The following DKK2 variants were observed in gnomAD, a reference collection of about 807,000 sequenced individuals.
DKK2 encodes dickkopf-related protein 2.
Under a neutral mutation model 28.1 loss-of-function variants are expected in DKK2, and 11 were observed. The ratio of observed to expected loss-of-function variants is 0.39; its 90% CI spans 0.25 to 0.65. The LOEUF (loss-of-function observed/expected upper bound fraction) is 0.65. DKK2 is among the 30% of genes least tolerant of loss of function. DKK2 has a pLI of 0.47. For synonymous variants in DKK2, 135 were observed against 126.5 expected (o/e 1.07, Z -0.45); for missense variants, 326 against 335.5 (o/e 0.97, Z 0.22).
At chr4:106,995,920 T>G (rs185952264) in intron 1 of DKK2, among the ~76,000 whole-genome samples, 1 of 152,308 alleles carries the variant, frequency 6.6e-6, no homozygotes, top group Non-Finnish European at 1.5e-5. Context: ...CAGGACTCTA[T>G]GTATCTTTAA....
At chr4:106,960,542 A>G (rs553847857) in intron 1 of DKK2, among the ~76,000 whole-genome samples, 1 of 152,272 alleles carries the variant, frequency 6.6e-6, no homozygotes, top group East Asian at 1.9e-4. Context: ...CCATATAACC[A>G]AAAACCACTG....
intron 1 of DKK2, among the ~76,000 whole-genome samples, chr4:106,950,284 T>G (rs1724839752): frequency 2.6e-5 from 4 of 152,136 alleles, no homozygotes; most frequent in Admixed American, 2.6e-4. Context: ...CCCTTCTCAC[T>G]CCCAACTTTA....
intron 1 of DKK2, among the ~76,000 whole-genome samples, chr4:106,967,631 T>A (rs4109346): frequency 0.15 from 22,930 of 152,046 alleles, 1,983 homozygotes; most frequent in African/African-American, 0.24. Context: ...ATCTGTCTTC[T>A]CTGCCAGGGC....
intron 1 of DKK2, among the ~76,000 whole-genome samples, chr4:106,978,773 G>A (rs1036803498): frequency 3.3e-5 from 5 of 151,506 alleles, no homozygotes; most frequent in African/African-American, 1.2e-4. Flanking sequence ...GGCGTTCCGG[G>A]TGCCACTGGG....
intron 1 of DKK2, among the ~76,000 whole-genome samples, chr4:107,022,609 T>C (rs1006133696): frequency 3.9e-5 from 6 of 152,144 alleles, no homozygotes; most frequent in African/African-American, 7.2e-5. Context: ...CTTCATGTTC[T>C]AGAAATGGAC....
intron 1 of DKK2, among the ~76,000 whole-genome samples, chr4:106,997,397 T>C (rs894779567): frequency 1.3e-5 from 2 of 152,208 alleles, no homozygotes; most frequent in South Asian, 4.1e-4. Context: ...GTTTATCCTG[T>C]GAAATGGCTT....
chr4:107,024,254 G>A (rs1207771293), intron 1 of DKK2, among the ~76,000 whole-genome samples: 2 of 152,008 alleles, frequency 1.3e-5, no homozygotes, highest in Non-Finnish European at 2.9e-5. Context: ...TATGTAAATA[G>A]TAGCACATCC....
rs771637130 is a variant in DKK2 at position 106,924,657 on chromosome 4, G to A, written c.417C>T (p.Ile139=). 6.2e-7 allele frequency: 1 copy of A among 1,613,834 alleles called. No individual in the cohort carries two copies. Among genetic ancestry groups the A allele is most frequent in the Non-Finnish European group, 8.5e-7 (1 of 1,179,820 alleles). Residue 139 remains isoleucine, a synonymous_variant, in exon 3 of 4, where the codon ATC becomes ATT. Coordinates refer to ENST00000285311, the MANE Select transcript of DKK2 (RefSeq NM_014421.3). ...TGTGCCGAGTACCATCCAGAGCCGGGATGTGAGGGGTTAAGATGCTTTCAG... is the reference window on the plus strand; with the variant it reads ...TGTGCCGAGTACCATCCAGAGCCGGAATGTGAGGGGTTAAGATGCTTTCAG... The part of the protein sequence containing the change: ...PVTESILTPH[I]PALDGTRHRD...
chr4:106,968,614 TTTAAG>T (rs2308292), intron 1 of DKK2, among the ~76,000 whole-genome samples: 57,412 of 151,776 alleles, frequency 0.38, 10,872 homozygotes, highest in East Asian at 0.46. Flanking sequence ...TATATTTACT[TTTAAG>T]TAAAGTTTCT....
chr4:106,963,362 AAG>A (rs1324252758), intron 1 of DKK2, among the ~76,000 whole-genome samples: 1 of 152,138 alleles, frequency 6.6e-6, no homozygotes, highest in Admixed American at 6.5e-5. Flanking sequence ...AAAAAAAAAA[AAG>A]AGGCAAAAAA....
chr4:106,929,102 C>T (rs1275642906), intron 1 of DKK2, among the ~76,000 whole-genome samples: 3 of 152,266 alleles, frequency 2.0e-5, no homozygotes, highest in Admixed American at 6.5e-5. Context: ...TGTCTAGTCT[C>T]ATTTGATGAT....
At chr4:106,954,833 T>G (rs543392866) in intron 1 of DKK2, among the ~76,000 whole-genome samples, 1 of 152,276 alleles carries the variant, frequency 6.6e-6, no homozygotes, top group South Asian at 2.1e-4. Context: ...AAATGTTCAT[T>G]TTTATGTGAC....
intron 1 of DKK2, among the ~76,000 whole-genome samples, chr4:106,958,818 C>T (rs961905217): frequency 1.0e-5 from 1 of 95,902 alleles, no homozygotes; most frequent in African/African-American, 4.0e-5. Context: ...GCCTGGGCAA[C>T]AAGAGTGAAA....
In DKK2 at chr4:106,925,934, T is replaced by C. The variant is rs1724418675; in HGVS notation, c.238A>G (p.Ser80Gly). The C allele has an allele frequency of 6.2e-7, 1 of 1,610,376 alleles. No individual in the cohort carries two copies. Among genetic ancestry groups the C allele is most frequent in the African/African-American group, 1.3e-5 (1 of 74,684 alleles). Residue 80 changes from serine (S) to glycine (G), a missense_variant, in exon 2 of 4, where the codon AGT becomes GGT. Transcript: ENST00000285311. ...KNLGQAYPCSSDKECEVGRYC... is the reference protein window; with the variant it reads ...KNLGQAYPCSGDKECEVGRYC... ...CTCCCAACTTCACACTCCTTATCAC[T>C]GCTACAAGGGTAGGCCTGTCATCAA...
At chr4:106,930,816 G>A (rs1188712968) in intron 1 of DKK2, among the ~76,000 whole-genome samples, 1 of 152,188 alleles carries the variant, frequency 6.6e-6, no homozygotes, top group Non-Finnish European at 1.5e-5. Flanking sequence ...TGGATAGATG[G>A]AGGTAGCAGC....
chr4:107,006,685 A>T (rs543706772), intron 1 of DKK2, among the ~76,000 whole-genome samples: 29 of 152,270 alleles, frequency 1.9e-4, no homozygotes, highest in Non-Finnish European at 3.8e-4. Context: ...CATACCTCTC[A>T]ATCTAACTCA....
At chr4:107,027,756 A>ATTTTTTTT (rs71590176) in intron 1 of DKK2, among the ~76,000 whole-genome samples, 2 of 135,306 alleles carry the variant, frequency 1.5e-5, no homozygotes, top group Non-Finnish European at 1.6e-5. Flanking sequence ...ACCTATTATG[A>ATTTTTTTT]TTTTTTTTTT....
chr4:107,030,549 C>A (rs145805424), intron 1 of DKK2, among the ~76,000 whole-genome samples: 1 of 151,770 alleles, frequency 6.6e-6, no homozygotes, highest in Non-Finnish European at 1.5e-5. Context: ...TAACTAAAAA[C>A]GGGTTTATCT....
chr4:107,004,001 T>C (rs1375896305), intron 1 of DKK2, among the ~76,000 whole-genome samples: 1 of 152,188 alleles, frequency 6.6e-6, no homozygotes, highest in Non-Finnish European at 1.5e-5. Flanking sequence ...AAAAATAGAA[T>C]TGATGAAACA....
Sources: gnomAD v4.1 joint callset for allele counts (sites outside exome capture counted in the v4.1 genomes callset) on GRCh38, gnomAD v4.1.1 for gene constraint, MANE v1.5 for transcripts, NCBI Gene and HGNC (gene_info 2026-07-23, HGNC 2026-07-21) for gene names.